ADGRV1: variants seen among roughly 807,000 people sequenced by gnomAD.
ADGRV1 encodes the protein G-protein coupled receptor 98.
ADGRV1 carries 359 observed loss-of-function variants against 596.2 expected under a neutral mutation model. The observed-to-expected ratio is 0.60, with a 90% CI of 0.55 to 0.66. ADGRV1 has a LOEUF of 0.66. Among genes scored for constraint, ADGRV1 ranks in the 30% least tolerant of loss-of-function variants. ADGRV1 has a pLI of 0.00. For missense variants in ADGRV1, 7,274 were observed against 7,575.6 expected (o/e 0.96, Z 1.48); for synonymous variants, 2,681 against 2,679.2 (o/e 1.00, Z -0.02).
At chr5:90,977,303 C>T (rs1779698476) in intron 84 of ADGRV1, among the ~76,000 whole-genome samples, 1 of 152,162 alleles carries the variant, frequency 6.6e-6, no homozygotes, top group African/African-American at 2.4e-5. Context: ...ATTTCTTAGA[C>T]TCCCATCTGA....
intron 85 of ADGRV1, among the ~76,000 whole-genome samples, chr5:91,054,549 G>A (rs1013229230): frequency 2.6e-5 from 4 of 152,082 alleles, no homozygotes; most frequent in Admixed American, 2.6e-4. Context: ...TATTTCTCTT[G>A]GTTCTGGAGG....
chr5:90,609,265 A>G (rs1762459773), intron 1 of ADGRV1, among the ~76,000 whole-genome samples: 1 of 152,018 alleles, frequency 6.6e-6, no homozygotes, highest in African/African-American at 2.4e-5. Context: ...TTATCTTTTT[A>G]TTCCTTTTAA....
rs1412935327 is a variant in ADGRV1 at position 90,728,729 on chromosome 5, C to T, written c.10222C>T (p.Leu3408=). 6.2e-7 allele frequency: 1 copy of T among 1,613,746 alleles called. No individual in the cohort carries two copies. The highest frequency in any genetic ancestry group is 1.3e-5 in the African/African-American group (1 of 74,924). ...TCAAAAACTCCCTGTCCGAGGTGTG[C>T]TGACCGTGGCCTTGTTCAACAAGGG... ...LHQKLPVRGV[L]TVALFNKGGS... Residue 3408 remains leucine (L), a synonymous_variant, in exon 49 of 90, where the codon CTG becomes TTG. Coordinates refer to ENST00000405460, the MANE Select transcript of ADGRV1 (RefSeq NM_032119.4).
At chr5:91,049,053 C>T (rs1429689913) in intron 85 of ADGRV1, among the ~76,000 whole-genome samples, 1 of 145,468 alleles carries the variant, frequency 6.9e-6, no homozygotes, top group East Asian at 1.9e-4. Flanking sequence ...ATCATGCATT[C>T]TGCTTTTCCT....
chr5:91,072,721 C>A, intron 86 of ADGRV1, 117 bp downstream of exon 86: 1 of 1,021,850 alleles, frequency 9.8e-7, no homozygotes, highest in Non-Finnish European at 1.5e-6. Context: ...AGCTCTGAAG[C>A]CACAAGTTAA....
In ADGRV1 at chr5:90,694,533, G is replaced by A; in HGVS notation, c.7777G>A (p.Gly2593Ser). The A allele has an allele frequency of 6.2e-7, 1 of 1,613,920 alleles. No homozygotes were observed. The highest frequency in any genetic ancestry group is 1.3e-5 in the African/African-American group (1 of 75,030). ...TATTAGTCCCAATACTTCCGAAGAT[G>A]GCTTATTTGTTGAAGTTCAGGAGCA... Reference protein sequence around the residue: ...YNISPNTSEDGLFVEVQEQPQ... With the variant: ...YNISPNTSEDSLFVEVQEQPQ... The change falls in exon 33 of 90, where the codon GGC (glycine) becomes AGC (serine). Residue 2593 changes from glycine (G) to serine (S), a missense_variant. Physicochemically the swap from Gly to Ser is moderately conservative, Grantham distance 56 (BLOSUM62 0). This residue lies in a region of ADGRV1 where 3,643 missense variants were observed against 3,809.2 expected (regional missense o/e 0.96). Transcript: ENST00000405460.
At chr5:90,820,555 G>T (rs969312094) in intron 75 of ADGRV1, among the ~76,000 whole-genome samples, 81 of 151,806 alleles carry the variant, frequency 5.3e-4, no homozygotes, top group Non-Finnish European at 8.2e-4. Flanking sequence ...GGCTGGTACC[G>T]GTTGTTCCTT....
At chr5:91,060,398 A>ATTTTTTTT (rs1554210690) in intron 85 of ADGRV1, among the ~76,000 whole-genome samples, 1 of 60,478 alleles carries the variant, frequency 1.7e-5, no homozygotes, top group African/African-American at 4.7e-5. Flanking sequence ...ATATATATAT[A>ATTTTTTTT]TTTTTTTTTT....
At chr5:91,103,752 T>C (rs1209176858) in intron 87 of ADGRV1, among the ~76,000 whole-genome samples, 1 of 152,174 alleles carries the variant, frequency 6.6e-6, no homozygotes, top group East Asian at 1.9e-4. Context: ...CCTGATATAC[T>C]TCATTCATTT....
intron 55 of ADGRV1, 35 bp from the exon 56 acceptor site, chr5:90,756,419 A>G (rs1715157556): frequency 1.4e-6 from 2 of 1,427,572 alleles, no homozygotes; most frequent in African/African-American, 2.9e-5. Context: ...GTCTTAAAAA[A>G]AAATGAAACA....
intron 86 of ADGRV1, among the ~76,000 whole-genome samples, chr5:91,098,030 T>A (rs1450653427): frequency 2.6e-5 from 4 of 152,186 alleles, no homozygotes; most frequent in African/African-American, 9.7e-5. Context: ...TTGAGAACAT[T>A]GAAATGATTC....
chr5:90,869,924 GT>G (rs1009099671), intron 83 of ADGRV1, among the ~76,000 whole-genome samples: 2 of 152,146 alleles, frequency 1.3e-5, no homozygotes, highest in Non-Finnish European at 2.9e-5. Context: ...GCTATACTAA[GT>G]TGCTTCATAA....
chr5:90,848,696 G>T lies in ADGRV1; in HGVS notation c.17079G>T (p.Glu5693Asp), dbSNP rs770497188. 1 of 1,583,192 alleles carries T rather than the reference G, an allele frequency of 6.3e-7. No individual in the cohort carries two copies. Among genetic ancestry groups the T allele is most frequent in the South Asian group, 1.2e-5 (1 of 83,180 alleles). Residue 5693 changes from glutamate to aspartate, a missense_variant, in exon 79 of 90, where the codon GAG becomes GAT. Around this residue, in one of 5 missense-constraint regions of ADGRV1, gnomAD observed 1,874 missense variants for 1,970.2 expected, o/e 0.95. Transcript: ENST00000405460. ...FSVASRTLFYEILCSLINPKR... is the reference protein window; with the variant it reads ...FSVASRTLFYDILCSLINPKR... ...TTGCCAGCCGAACTCTTTTCTATGA[G>T]ATTCTTTGTTCTCTTATTAACCCAA...
At chr5:90,877,871 C>T (rs1183600188) in intron 83 of ADGRV1, among the ~76,000 whole-genome samples, 1 of 151,588 alleles carries the variant, frequency 6.6e-6, no homozygotes, top group African/African-American at 2.4e-5. Context: ...TCTTACATGC[C>T]CTTTCGTGAA....
Position 90,729,731 on chromosome 5 carries a change from A to G in ADGRV1, c.10516A>G (p.Arg3506Gly). Residue 3506 changes from arginine (R) to glycine (G), a missense_variant, in exon 50 of 90, where the codon AGA (arginine) becomes GGA (glycine). Around this residue, in one of 5 missense-constraint regions of ADGRV1, gnomAD observed 3,643 missense variants for 3,809.2 expected, o/e 0.96. Transcript: ENST00000405460. ...FQSVDFAAVN[R>G]IHSFTPASGI... The stretch of plus-strand genomic sequence containing the variant: ...GTCTGTAGATTTTGCTGCTGTTAAC[A>G]GAATCCACTCCTTCACACCAGCCTC... 3 of 1,613,330 alleles carry G rather than the reference A, an allele frequency of 1.9e-6. No individual in the cohort carries two copies. Among genetic ancestry groups the G allele is most frequent in the Non-Finnish European group, 2.5e-6 (3 of 1,179,410 alleles).
At chr5:90,824,930 C>A (rs1371994670) in intron 76 of ADGRV1, among the ~76,000 whole-genome samples, 1 of 151,958 alleles carries the variant, frequency 6.6e-6, no homozygotes, top group African/African-American at 2.4e-5. Flanking sequence ...CTCTCAACCC[C>A]ATATTTCTTT....
intron 50 of ADGRV1, among the ~76,000 whole-genome samples, chr5:90,743,937 A>T (rs1023595736): frequency 3.9e-5 from 6 of 151,908 alleles, no homozygotes; most frequent in African/African-American, 1.2e-4. Context: ...GTAGATATAA[A>T]TATGTCCTTT....
At chr5:90,894,195 A>G (rs1320392076) in intron 83 of ADGRV1, among the ~76,000 whole-genome samples, 1 of 152,194 alleles carries the variant, frequency 6.6e-6, no homozygotes, top group Non-Finnish European at 1.5e-5. Context: ...CCTATGGCAC[A>G]TGCTATTCCC....
intron 83 of ADGRV1, among the ~76,000 whole-genome samples, chr5:90,876,333 A>T (rs1190049531): frequency 6.6e-6 from 1 of 152,226 alleles, no homozygotes; most frequent in East Asian, 1.9e-4. Flanking sequence ...CTTTTGGAAC[A>T]CTTTTAAAGT....
Sources: gnomAD v4.1 joint callset for allele counts (sites outside exome capture counted in the v4.1 genomes callset) on GRCh38, gnomAD v4.1.1 for gene constraint, gnomAD v4.1.1 regional missense constraint, MANE v1.5 for transcripts, NCBI Gene and HGNC (gene_info 2026-07-23, HGNC 2026-07-21) for gene names.